PLA2G4B: variants seen among roughly 807,000 people sequenced by gnomAD.
The protein encoded by PLA2G4B is phospholipase A2 group IVB.
PLA2G4B carries 122 observed loss-of-function variants against 95.8 expected under a neutral mutation model. That is an observed-to-expected ratio of 1.27 (90% confidence interval 1.10 to 1.48). The LOEUF (loss-of-function observed/expected upper bound fraction) is 1.48, where lower values mean the gene tolerates loss of function less well. Ranked by LOEUF, PLA2G4B falls within the 40% of genes most tolerant of loss-of-function variation. The pLI is 0.00. For synonymous variants in PLA2G4B, 518 were observed against 421.5 expected, an observed-to-expected ratio of 1.23 and a Z score of -2.80; for missense variants, 1,158 against 996.2, an observed-to-expected ratio of 1.16 and a Z score of -2.19.
At chr15:41,845,522 C>T (rs1290510435) in intron 14 of PLA2G4B, 116 bp from the exon 15 acceptor site, 3 of 1,518,574 alleles carry the variant, frequency 2.0e-6, no homozygotes, top group Non-Finnish European at 2.6e-6. Context: ...AAGCCCAGGC[C>T]ACAAGGCCTG....
At chr15:41,845,830 G>A (rs2065532421) in intron 15 of PLA2G4B, 55 bp downstream of exon 15, 1 of 1,545,238 alleles carries the variant, frequency 6.5e-7, no homozygotes, top group Non-Finnish European at 8.7e-7. Flanking sequence ...AATGGGTCCT[G>A]GGTGAGAGGG....
At chr15:41,842,627 G>GA (rs544145649) in intron 10 of PLA2G4B, 36 bp downstream of exon 10, 237 of 1,605,200 alleles carry the variant, frequency 1.5e-4, no homozygotes, top group Non-Finnish European at 1.9e-4. Flanking sequence ...CAAGGCCCTG[G>GA]AAAACAACCA....
chr15:41,844,235 G>A (rs547462960), intron 11 of PLA2G4B, among the ~76,000 whole-genome samples: 1 of 152,358 alleles, frequency 6.6e-6, no homozygotes, highest in South Asian at 2.1e-4. Context: ...TGAGGGCAAG[G>A]AGATGAGGCT....
At chr15:41,842,356 G>C in intron 9 of PLA2G4B, 80 bp downstream of exon 9, 1 of 1,584,588 alleles carries the variant, frequency 6.3e-7, no homozygotes, top group Non-Finnish European at 8.6e-7. Flanking sequence ...CCTGCTTCCC[G>C]CTTCTCCGTG....
rs147786268 is a variant in PLA2G4B at position 41,841,265 on chromosome 15, G to A, written c.427G>A (p.Val143Ile). 3.1e-4 allele frequency: 502 copies of A among 1,612,904 alleles called. No individual in the cohort carries two copies. The highest frequency in any genetic ancestry group is 3.8e-4 in the Non-Finnish European group (453 of 1,179,998). Residue 143 changes from valine (V) to isoleucine (I), a missense_variant, in exon 6 of 20, where the codon GTT (valine) becomes ATT (isoleucine). Coordinates refer to ENST00000458483, the MANE Select transcript of PLA2G4B (RefSeq NM_001114633.2). ...DRGEWLVSNG[V>I]LVARELSCLH... is the part of the protein sequence containing the mutation. ...TGGCGAGTGGCTCGTCAGCAATGGC[G>A]TTCTGGTGGTGAGTGTGCCAGTGCT...
chr15:41,841,349 C>G, intron 6 of PLA2G4B, 76 bp downstream of exon 6: 1 of 1,610,642 alleles, frequency 6.2e-7, no homozygotes, highest in East Asian at 2.2e-5. Flanking sequence ...AGGTACAGGC[C>G]CACCGCTGCC....
Position 41,840,602 on chromosome 15 carries a change from A to G in PLA2G4B, c.161A>G (p.Asn54Ser). The change falls in exon 3 of 20, where the codon AAC (asparagine) becomes AGC (serine). Residue 54 changes from asparagine to serine, a missense_variant. Asn to Ser is a conservative substitution (Grantham distance 46). Coordinates refer to ENST00000458483, the MANE Select transcript of PLA2G4B (RefSeq NM_001114633.2). ...AGGCTCCAGACACGCACGGTCAAGA[A>G]CAGCAGTAGCCCTGTCTGGAACCAG... Reference protein sequence around the residue: ...SHRLQTRTVKNSSSPVWNQSF... With the variant: ...SHRLQTRTVKSSSSPVWNQSF... 1 of 1,614,010 alleles carries G rather than the reference A, an allele frequency of 6.2e-7. No homozygotes were observed. The highest frequency in any genetic ancestry group is 8.5e-7 in the Non-Finnish European group (1 of 1,180,018).
chr15:41,845,164 A>T, intron 13 of PLA2G4B, 39 bp from the exon 14 acceptor site: 1 of 1,613,014 alleles, frequency 6.2e-7, no homozygotes, highest in Non-Finnish European at 8.5e-7. Context: ...CTGGGCACCC[A>T]GGCCGCTGTG....
rs3217660 is a variant in PLA2G4B, at chr15:41,841,760, ATGGGTTCTG to A, written c.491-54_491-46del. On this transcript the variant is annotated intron_variant, in intron 7 of 19. Transcript: ENST00000458483. ...GGTGCCCTCCAGGCCACGCAGCAAG[ATGGGTTCTG>A]TGGGCAGAGATACCGTCCCCAGCCT... 5.6e-6 allele frequency: 9 copies of A among 1,596,772 alleles called. No homozygotes were observed. The East Asian group carries it at 2.0e-4, about 36-fold the overall frequency.
intron 10 of PLA2G4B, 56 bp downstream of exon 10, chr15:41,842,647 G>GCTGGAGGAGGC (rs1555458072): frequency 2.0e-5 from 32 of 1,593,820 alleles, no homozygotes; most frequent in Admixed American, 5.6e-5. Context: ...AGGGTGCGGG[G>GCTGGAGGAGGC]CTGGAGGAGG....
chr15:41,841,219 G>A lies in PLA2G4B; in HGVS notation c.393-12G>A. ...GGACTCCTGCTAAGGGGGCTCTGGG[G>A]GCTCTTTCCAGGGCTGACCGTGGCG... On this transcript the variant is annotated splice_polypyrimidine_tract_variant and intron_variant, in intron 5 of 19. Coordinates refer to ENST00000458483, the MANE Select transcript of PLA2G4B (RefSeq NM_001114633.2). 2 of 1,614,010 alleles carry A rather than the reference G, an allele frequency of 1.2e-6. No homozygotes were observed. Among genetic ancestry groups the A allele is most frequent in the Middle Eastern group, 1.7e-4 (1 of 6,032 alleles).
rs982849866 is a variant in PLA2G4B at position 41,841,709 on chromosome 15, C to T, written c.491-110C>T. On this transcript the variant is annotated intron_variant, in intron 7 of 19. Coordinates refer to ENST00000458483, the MANE Select transcript of PLA2G4B (RefSeq NM_001114633.2). ...GACTGTGGTGGGGGATCCATCTCCA[C>T]CAGACCATTTCAGCGGGGAGAGGGA... 6.4e-6 allele frequency: 10 copies of T among 1,569,722 alleles called. No individual in the cohort carries two copies. In the African/African-American group the frequency reaches 1.2e-4, roughly 19 times the overall value.
intron 18 of PLA2G4B, 145 bp from the exon 19 acceptor site, chr15:41,847,192 G>GT (rs3214531): frequency 2.3e-6 from 3 of 1,310,644 alleles, no homozygotes; most frequent in South Asian, 1.6e-5. Flanking sequence ...GGTGTGGAGA[G>GT]TTTTTTTCCA....
rs546012114 is a variant in PLA2G4B at position 41,845,449 on chromosome 15, G to A, written c.1357+129G>A. Reference sequence around the variant, plus strand: ...CCAGGTCCCGTGCTTTCTGGAGACCGGCACCCTACCAGGGTCCCTCAGCCC... The same window carrying A: ...CCAGGTCCCGTGCTTTCTGGAGACCAGCACCCTACCAGGGTCCCTCAGCCC... On this transcript the variant is annotated intron_variant, in intron 14 of 19. Coordinates refer to ENST00000458483, the MANE Select transcript of PLA2G4B (RefSeq NM_001114633.2). The A allele has an allele frequency of 4.0e-5, 58 of 1,451,068 alleles. 1 individual carries two copies. Among genetic ancestry groups the A allele is most frequent in the East Asian group, 4.7e-5 (2 of 42,834 alleles). The allele number at this position is 1,451,068 out of a possible 1,614,324, so 89.9% of individuals were successfully genotyped here. A position where few individuals can be genotyped will look rare whatever the true frequency, so the allele number is the denominator to read the frequency against.
Position 41,841,541 on chromosome 15 carries a change from G to C in PLA2G4B, c.460G>C (p.Val154Leu), listed in dbSNP as rs141176840. 3.1e-6 allele frequency: 5 copies of C among 1,614,104 alleles called. No individual in the cohort carries two copies. In the South Asian group the frequency reaches 5.5e-5, roughly 18 times the overall value. Residue 154 changes from valine (V) to leucine (L), a missense_variant, in exon 7 of 20, where the codon GTT becomes CTT. Val to Leu is a conservative substitution (Grantham distance 32). Coordinates refer to ENST00000458483, the MANE Select transcript of PLA2G4B (RefSeq NM_001114633.2). ...LVARELSCLH[V>L]QLEETGDQKS... ...GGCCCGGGAGCTCTCCTGCTTGCACGTTCAACTGGAGGAGACAGGAGACCA... is the reference window on the plus strand; with the variant it reads ...GGCCCGGGAGCTCTCCTGCTTGCACCTTCAACTGGAGGAGACAGGAGACCA...
intron 17 of PLA2G4B, 135 bp from the exon 18 acceptor site, chr15:41,846,534 C>G (rs2065550452): frequency 2.0e-6 from 3 of 1,503,170 alleles, no homozygotes; most frequent in Non-Finnish European, 2.7e-6. Context: ...TCTTGGGGAC[C>G]CAGGGCCCAC....
In PLA2G4B at chr15:41,848,015, A is replaced by C; in HGVS notation, c.*155A>C. On this transcript the variant is annotated 3_prime_UTR_variant, in exon 20 of 20. Coordinates refer to ENST00000458483, the MANE Select transcript of PLA2G4B (RefSeq NM_001114633.2). ...GCTGGGAGCTCCCTTGCGCCTCAGC[A>C]GTTTGCAGTGGGGTAAGGAGGCCAA... 9.5e-7 allele frequency: 1 copy of C among 1,052,956 alleles called. No individual in the cohort carries two copies. Among genetic ancestry groups the C allele is most frequent in the Non-Finnish European group, 1.3e-6 (1 of 746,418 alleles). The allele number at this position is 1,052,956 out of a possible 1,614,324, so 65.2% of individuals were successfully genotyped here.
At chr15:41,846,446 C>A (rs1595425730) in intron 17 of PLA2G4B, 64 bp downstream of exon 17, 3 of 1,556,158 alleles carry the variant, frequency 1.9e-6, no homozygotes, top group African/African-American at 1.4e-5. Flanking sequence ...GTCCAGATAC[C>A]CCTCACAGTC....
At chr15:41,841,763 G>C (rs1327568990) in intron 7 of PLA2G4B, 56 bp from the exon 8 acceptor site, 7 of 1,598,082 alleles carry the variant, frequency 4.4e-6, no homozygotes, top group Non-Finnish European at 6.0e-6. Context: ...CAGCAAGATG[G>C]GTTCTGTGGG....
Sources: gnomAD v4.1 joint callset for allele counts (sites outside exome capture counted in the v4.1 genomes callset) on GRCh38, gnomAD v4.1.1 for gene constraint, MANE v1.5 for transcripts, NCBI Gene and HGNC (gene_info 2026-07-23, HGNC 2026-07-21) for gene names.